The following OARD1 variants were observed in gnomAD, a reference collection of about 807,000 sequenced individuals.
The protein encoded by OARD1 is ADP-ribose glycohydrolase OARD1.
Under a neutral mutation model 19.7 loss-of-function variants are expected in OARD1, and 19 were observed. The observed-to-expected ratio is 0.96, with a 90% CI of 0.67 to 1.41. The LOEUF (loss-of-function observed/expected upper bound fraction) is 1.41, where lower values mean the gene tolerates loss of function less well. Ranked by LOEUF, OARD1 falls within the 40% of genes most tolerant of loss-of-function variation. OARD1 has a pLI of 0.00. For missense variants in OARD1, 190 were observed against 183.8 expected, an observed-to-expected ratio of 1.03 and a Z score of -0.20; for synonymous variants, 70 against 61.8, an observed-to-expected ratio of 1.13 and a Z score of -0.62.
intron 2 of OARD1, 81 bp downstream of exon 2, chr6:41,071,515 A>C: frequency 8.0e-7 from 1 of 1,243,974 alleles, no homozygotes. Context: ...GCAATCATTA[A>C]TTTAATTAAA....
At chr6:41,089,956 C>G (rs1294739533) in intron 1 of OARD1, among the ~76,000 whole-genome samples, 1 of 151,932 alleles carries the variant, frequency 6.6e-6, no homozygotes, top group Non-Finnish European at 1.5e-5. Flanking sequence ...CGTCAAAATA[C>G]AAAAATTAGG....
rs576197472 is a variant in OARD1, at chr6:41,091,500, GTTTGT to G, written c.-42+6208_-42+6212del. 5.5e-4 allele frequency: 881 copies of G among 1,608,050 alleles called. 16 individuals carry two copies. In the South Asian group the frequency reaches 9.4e-3, roughly 17 times the overall value. On this transcript the variant is annotated intron_variant, in intron 1 of 4. Transcript: ENST00000480585. ...TTTCTGTTCTGTGTGCCTGTTTTTTGTTTGTTTTATGTTTTGTTTTCTTAAAGTTA... is the reference window on the plus strand; with the variant it reads ...TTTCTGTTCTGTGTGCCTGTTTTTTGTTTATGTTTTGTTTTCTTAAAGTTA...
chr6:41,097,367 A>G, intron 1 of OARD1: 1 of 1,613,990 alleles, frequency 6.2e-7, no homozygotes, highest in Non-Finnish European at 8.5e-7. Flanking sequence ...GATCCAAACC[A>G]AGCCGATGAA....
At position 41,067,204 on chromosome 6, in the gene OARD1, A is replaced by G; in HGVS notation, c.*131T>C. Reference sequence around the variant, plus strand: ...TCCAAATACTTGAATACAGCAACCAAAGTCTGTCTTGTTAAACACACTACT... The same window carrying G: ...TCCAAATACTTGAATACAGCAACCAGAGTCTGTCTTGTTAAACACACTACT... On this transcript the variant is annotated 3_prime_UTR_variant, in exon 6 of 6. Transcript: ENST00000424266. 1 of 523,492 alleles carries G rather than the reference A, an allele frequency of 1.9e-6. No homozygotes were observed. The highest frequency in any genetic ancestry group is 3.5e-6 in the Non-Finnish European group (1 of 282,664). The allele number at this position is 523,492 out of a possible 1,614,324, so 32.4% of individuals were successfully genotyped here.
chr6:41,084,179 A>G, intron 1 of OARD1: 2 of 1,613,952 alleles, frequency 1.2e-6, no homozygotes, highest in African/African-American at 2.7e-5. Context: ...TCTGGAACAC[A>G]GGGTTTGCAG....
At chr6:41,071,886 G>T (rs546893366) in intron 1 of OARD1, 15 of 497,212 alleles carry the variant, frequency 3.0e-5, no homozygotes, top group African/African-American at 1.9e-4. Context: ...CTCTCATTTC[G>T]TGCTTTCCTG....
chr6:41,077,642 G>C (rs945317044), intron 1 of OARD1, among the ~76,000 whole-genome samples: 2 of 152,190 alleles, frequency 1.3e-5, no homozygotes, highest in Admixed American at 6.5e-5. Context: ...TCTATACCCA[G>C]AATCTCTGAG....
At position 41,081,897 on chromosome 6, in the gene OARD1, G is replaced by A. The variant is rs556485692; in HGVS notation, c.-41-10222C>T. The stretch of plus-strand genomic sequence containing the variant: ...TTAATCAATACAGTTCTTTAGCATC[G>A]TGTATGGCTAAGTATCCTAAATTGG... On this transcript the variant is annotated intron_variant, in intron 1 of 4. Coordinates refer to the OARD1 transcript ENST00000480585. 5.3e-5 allele frequency among the ~76,000 whole-genome samples: 8 copies of A among 152,212 alleles called. No homozygotes were observed. In the East Asian group the frequency reaches 5.8e-4, roughly 11 times the overall value.
intron 1 of OARD1, chr6:41,091,570 G>C: frequency 1.2e-6 from 2 of 1,614,198 alleles, no homozygotes; most frequent in Non-Finnish European, 1.7e-6. Context: ...CCAGCAGCCA[G>C]TTTGGCAGGA....
intron 1 of OARD1, among the ~76,000 whole-genome samples, chr6:41,095,433 T>C (rs777248129): frequency 1.3e-5 from 2 of 152,224 alleles, no homozygotes; most frequent in Non-Finnish European, 2.9e-5. Flanking sequence ...CTATCTAGAA[T>C]AGATCTCTTC....
chr6:41,085,842 C>A (rs1037876883), intron 1 of OARD1, among the ~76,000 whole-genome samples: 3 of 151,396 alleles, frequency 2.0e-5, no homozygotes, highest in African/African-American at 7.3e-5. Context: ...TTTTGGTTTT[C>A]ATTTGCCTTT....
At chr6:41,069,950 A>C (rs572542522) in intron 4 of OARD1, 126 bp downstream of exon 4, 106 of 761,668 alleles carry the variant, frequency 1.4e-4, no homozygotes, top group African/African-American at 1.4e-3. Flanking sequence ...AAGCTTTTTG[A>C]CATTCTTAGT....
At chr6:41,080,482 G>A (rs553387271) in intron 1 of OARD1, among the ~76,000 whole-genome samples, 140 of 152,278 alleles carry the variant, frequency 9.2e-4, no homozygotes, top group Non-Finnish European at 1.8e-3. Context: ...GAACTCATCT[G>A]AGGAGATAAA....
intron 4 of OARD1, 79 bp downstream of exon 4, chr6:41,069,997 G>T (rs1582002572): frequency 1.2e-6 from 1 of 857,668 alleles, no homozygotes; most frequent in Non-Finnish European, 2.0e-6. Context: ...CACAAATGCA[G>T]TGCAGCCCAT....
chr6:41,073,729 G>A (rs1171725244), upstream of OARD1, among the ~76,000 whole-genome samples: 1 of 152,148 alleles, frequency 6.6e-6, no homozygotes, highest in Admixed American at 6.5e-5. Flanking sequence ...CGCCCCCGCT[G>A]TCTCCCTGGT....
chr6:41,086,940 T>C (rs1764064406), intron 1 of OARD1, among the ~76,000 whole-genome samples: 1 of 152,154 alleles, frequency 6.6e-6, no homozygotes, highest in African/African-American at 2.4e-5. Flanking sequence ...TTTTATGCTA[T>C]AGAGAAGGAT....
chr6:41,097,707 A>T (rs1419800271), intron 1 of OARD1: 2 of 275,100 alleles, frequency 7.3e-6, no homozygotes, highest in East Asian at 1.5e-4. Context: ...TACACAAAGC[A>T]CTTACCTTGA....
At chr6:41,093,679 C>G (rs1387371445) in intron 1 of OARD1, among the ~76,000 whole-genome samples, 1 of 152,186 alleles carries the variant, frequency 6.6e-6, no homozygotes, top group East Asian at 1.9e-4. Context: ...CCATGTTGGC[C>G]AGGCTGGTCT....
rs1561839530 is a variant in OARD1 at position 41,065,802 on chromosome 6, A to G, written c.*1533T>C. On this transcript the variant is annotated 3_prime_UTR_variant, in exon 6 of 6. Transcript: ENST00000424266. ...TTTTAACCAGCCCCTTCTAAAATAC[A>G]GTTGTTCTTTTATACTTGGGAAAGC... 6.6e-6 allele frequency: 1 copy of G among 152,250 alleles called. No homozygotes were observed. The highest frequency in any genetic ancestry group is 1.5e-5 in the Non-Finnish European group (1 of 68,054). 9.4% of individuals were successfully genotyped at this position (152,250 alleles called of 1,614,324 possible).
Sources: allele counts gnomAD v4.1 joint callset (sites outside exome capture counted in the v4.1 genomes callset), GRCh38; gene constraint gnomAD v4.1.1; transcripts MANE v1.5; gene names NCBI Gene and HGNC (gene_info 2026-07-23, HGNC 2026-07-21).